Variants in ENPP6 observed in about 807,000 individuals in gnomAD.
ENPP6 encodes ectonucleotide pyrophosphatase/phosphodiesterase 6.
ENPP6 carries 32 observed loss-of-function variants against 42.0 expected under a neutral mutation model. That is an observed-to-expected ratio of 0.76 (90% CI 0.58 to 1.02). The LOEUF (loss-of-function observed/expected upper bound fraction) is 1.02. Among genes scored for constraint, ENPP6 ranks in the 50% least tolerant of loss-of-function variants. The pLI is 0.00. For synonymous variants in ENPP6, 213 were observed against 216.0 expected (o/e 0.99, Z 0.12); for missense variants, 552 against 566.8 (o/e 0.97, Z 0.27).
chr4:184,116,682 G>A (rs776085833), intron 5 of ENPP6, among the ~76,000 whole-genome samples, 174 bp downstream of exon 5: 1 of 152,124 alleles, frequency 6.6e-6, no homozygotes, highest in African/African-American at 2.4e-5. Flanking sequence ...GCAGTGAGCC[G>A]AGATCGCGCC....
At chr4:184,173,540 C>T (rs1737510949) in intron 1 of ENPP6, among the ~76,000 whole-genome samples, 2 of 152,126 alleles carry the variant, frequency 1.3e-5, no homozygotes. Context: ...GTAGCTGGTG[C>T]CCAGAATTTT....
rs143999807 is a variant in ENPP6 at position 184,117,486 on chromosome 4, C to G, written c.675+273G>C. On this transcript the variant is annotated intron_variant, in intron 4 of 7. Coordinates refer to ENST00000296741, the MANE Select transcript of ENPP6 (RefSeq NM_153343.4). ...GTCTACATGTCAAGCTGCTACCAAA[C>G]TTATTAGGAGTCCACAGAGCTGGGT... 1.4e-4 allele frequency among the ~76,000 whole-genome samples: 22 copies of G among 152,362 alleles called. No individual in the cohort carries two copies. In the East Asian group the frequency reaches 4.0e-3, roughly 28 times the overall value.
intron 1 of ENPP6, among the ~76,000 whole-genome samples, chr4:184,189,072 C>T (rs1452824683): frequency 2.6e-5 from 4 of 152,172 alleles, no homozygotes; most frequent in South Asian, 2.1e-4. Context: ...AGCTTGGAGC[C>T]GAGTGGCTCT....
intron 1 of ENPP6, among the ~76,000 whole-genome samples, chr4:184,162,976 C>T (rs1158747364): frequency 6.6e-6 from 1 of 152,180 alleles, no homozygotes; most frequent in Non-Finnish European, 1.5e-5. Flanking sequence ...AGTGGACCTG[C>T]CTCTCCAGCC....
intron 1 of ENPP6, among the ~76,000 whole-genome samples, chr4:184,211,273 C>G (rs557790850): frequency 4.7e-4 from 72 of 152,222 alleles, no homozygotes; most frequent in African/African-American, 1.6e-3. Flanking sequence ...CACAAAAAAC[C>G]CTTCAAAAAA....
chr4:184,183,578 G>A (rs1442851875), intron 1 of ENPP6, among the ~76,000 whole-genome samples: 1 of 152,132 alleles, frequency 6.6e-6, no homozygotes, highest in African/African-American at 2.4e-5. Context: ...GATCCCACTA[G>A]GTCAGTGGTG....
At chr4:184,194,115 C>T (rs962240780) in intron 1 of ENPP6, among the ~76,000 whole-genome samples, 1 of 152,180 alleles carries the variant, frequency 6.6e-6, no homozygotes, top group Non-Finnish European at 1.5e-5. Flanking sequence ...TCTTTCTTAC[C>T]ATCATGGTCC....
intron 1 of ENPP6, among the ~76,000 whole-genome samples, chr4:184,206,251 A>ATTCTCTTTT (rs752341794): frequency 1.1e-5 from 1 of 93,392 alleles, no homozygotes; most frequent in African/African-American, 4.5e-5. Flanking sequence ...GGAAGCTTGA[A>ATTCTCTTTT]TTTTTTTTTT....
chr4:184,150,890 C>T (rs1737012541), intron 2 of ENPP6, among the ~76,000 whole-genome samples: 1 of 152,224 alleles, frequency 6.6e-6, no homozygotes, highest in Admixed American at 6.5e-5. Flanking sequence ...ATTTTTGTCA[C>T]ATCCCATTAG....
At chr4:184,123,197 G>A (rs978187925) in intron 3 of ENPP6, among the ~76,000 whole-genome samples, 8 of 152,136 alleles carry the variant, frequency 5.3e-5, no homozygotes, top group Non-Finnish European at 7.4e-5. Context: ...CCATGGCATC[G>A]GAAGGGCGTG....
intron 3 of ENPP6, among the ~76,000 whole-genome samples, chr4:184,122,314 G>A (rs752341043): frequency 9.2e-5 from 14 of 152,124 alleles, no homozygotes; most frequent in Non-Finnish European, 1.8e-4. Context: ...TTAGGTGGCA[G>A]CCTAGCTGGG....
At chr4:184,194,178 C>T (rs753914928) in intron 1 of ENPP6, among the ~76,000 whole-genome samples, 4 of 152,158 alleles carry the variant, frequency 2.6e-5, no homozygotes, top group African/African-American at 4.8e-5. Context: ...CGGGCCTTCG[C>T]GGCTGCTAAG....
chr4:184,141,849 CTTA>C (rs1391350308), intron 2 of ENPP6, among the ~76,000 whole-genome samples: 1 of 152,176 alleles, frequency 6.6e-6, no homozygotes, highest in African/African-American at 2.4e-5. Flanking sequence ...TTTTGATACA[CTTA>C]TTTTTTTATA....
rs752183103 is a variant in ENPP6, at chr4:184,149,817, C to A, written c.421+3737G>T. On this transcript the variant is annotated intron_variant, in intron 2 of 7. Transcript: ENST00000296741. ...GCTGCCAGCATGTAAGGTGGCCCTG[C>A]TTATCCAAAGAAATCAAGCTGCATT... Among the ~76,000 whole-genome samples, 169 of 152,262 alleles carry A rather than the reference C, an allele frequency of 1.1e-3. 1 individual carries two copies. The Middle Eastern group carries it at 0.014, about 12-fold the overall frequency.
chr4:184,166,087 A>G (rs1737344121), intron 1 of ENPP6, among the ~76,000 whole-genome samples: 1 of 152,208 alleles, frequency 6.6e-6, no homozygotes. Context: ...CTGTTGGGAA[A>G]TCCATTTTAT....
chr4:184,154,145 GTTATAGCGT>G (rs1364628641), intron 1 of ENPP6, among the ~76,000 whole-genome samples: 1 of 152,208 alleles, frequency 6.6e-6, no homozygotes, highest in Non-Finnish European at 1.5e-5. Context: ...CAATCTAGCT[GTTATAGCGT>G]TTATTCTTTC....
Position 184,091,334 on chromosome 4 carries a change from T to C in ENPP6, c.1166A>G (p.Tyr389Cys), listed in dbSNP as rs775752860. ...GCCCACCACATTGCACATGACATTG[T>C]AGACGTCCACCGACCTGATAGGAGC... The part of the protein sequence containing the change: ...RAAPIRSVDV[Y>C]NVMCNVVGIT... Residue 389 changes from tyrosine to cysteine, a missense_variant, in exon 8 of 8, where the codon TAC (tyrosine) becomes TGC (cysteine). By Grantham distance (194) the Tyr-to-Cys change is radical. Around this residue, in one of 2 missense-constraint regions of ENPP6, gnomAD observed 545 missense variants for 546.3 expected, o/e 1.00. Transcript: ENST00000296741. 1 of 1,613,882 alleles carries C rather than the reference T, an allele frequency of 6.2e-7. No homozygotes were observed. Among genetic ancestry groups the C allele is most frequent in the Non-Finnish European group, 8.5e-7 (1 of 1,179,920 alleles).
chr4:184,197,272 C>CCA (rs1311452530), intron 1 of ENPP6, among the ~76,000 whole-genome samples: 1 of 152,210 alleles, frequency 6.6e-6, no homozygotes, highest in East Asian at 1.9e-4. Context: ...TACACATGCA[C>CCA]CACACACTCT....
At chr4:184,208,524 T>C (rs1733040492) in intron 1 of ENPP6, among the ~76,000 whole-genome samples, 1 of 152,068 alleles carries the variant, frequency 6.6e-6, no homozygotes, top group South Asian at 2.1e-4. Context: ...ATACTGCGCT[T>C]TTCCGACGGG....
Sources: allele counts gnomAD v4.1 joint callset (sites outside exome capture counted in the v4.1 genomes callset), GRCh38; gene constraint gnomAD v4.1.1; regional missense constraint gnomAD v4.1.1; transcripts MANE v1.5; gene names NCBI Gene and HGNC (gene_info 2026-07-23, HGNC 2026-07-21).